B3GALT1: variants seen among roughly 807,000 people sequenced by gnomAD.
B3GALT1 encodes the protein UDP-Gal:betaGlcNAc beta 1,3-galactosyltransferase, polypeptide 1.
A neutral mutation model predicts 23.2 loss-of-function variants in B3GALT1; 10 were observed. That is an observed-to-expected ratio of 0.43 (90% CI 0.27 to 0.73). The LOEUF (loss-of-function observed/expected upper bound fraction) is 0.73. Ranked by LOEUF, B3GALT1 falls within the 30% of genes least tolerant of loss-of-function variation. B3GALT1 has a pLI of 0.21. For missense variants in B3GALT1, 299 were observed against 405.4 expected (o/e 0.74, Z 2.25); for synonymous variants, 156 against 141.5 (o/e 1.10, Z -0.73).
chr2:167,552,920 C>T (rs919919461), intron 2 of B3GALT1, among the ~76,000 whole-genome samples: 1 of 152,142 alleles, frequency 6.6e-6, no homozygotes, highest in African/African-American at 2.4e-5. Flanking sequence ...TTAAATTTCT[C>T]CATTGGTCAC....
chr2:167,454,677 C>G (rs532648909), intron 1 of B3GALT1, among the ~76,000 whole-genome samples: 1 of 152,188 alleles, frequency 6.6e-6, no homozygotes, highest in South Asian at 2.1e-4. Flanking sequence ...AATAATAAAG[C>G]CTTTAAATAG....
At chr2:167,357,602 C>A (rs911161301) in intron 1 of B3GALT1, among the ~76,000 whole-genome samples, 1 of 152,132 alleles carries the variant, frequency 6.6e-6, no homozygotes, top group Admixed American at 6.5e-5. Context: ...AAAAGCCAAT[C>A]TATTCTGTCA....
At chr2:167,664,158 C>A (rs944734793) in intron 3 of B3GALT1, among the ~76,000 whole-genome samples, 4 of 149,788 alleles carry the variant, frequency 2.7e-5, no homozygotes, top group African/African-American at 9.9e-5. Context: ...AGGAAGGGAT[C>A]CAGTTTCAGC....
chr2:167,712,827 A>G (rs530353540), intron 3 of B3GALT1, among the ~76,000 whole-genome samples: 2 of 152,246 alleles, frequency 1.3e-5, no homozygotes, highest in East Asian at 3.9e-4. Context: ...GTTGCTTCCT[A>G]TTGGAAGTGA....
At chr2:167,490,063 GAT>G (rs1699684648) in intron 1 of B3GALT1, 112 bp from the exon 2 acceptor site, 2 of 152,196 alleles carry the variant, frequency 1.3e-5, no homozygotes, top group African/African-American at 4.8e-5. Context: ...TTTGATGTAA[GAT>G]ATGTGGAAAT....
chr2:167,601,173 C>T (rs1684871402), intron 2 of B3GALT1, among the ~76,000 whole-genome samples: 1 of 151,956 alleles, frequency 6.6e-6, no homozygotes, highest in Non-Finnish European at 1.5e-5. Flanking sequence ...GATTCTCCTG[C>T]CTCAGCCTCT....
intron 3 of B3GALT1, among the ~76,000 whole-genome samples, chr2:167,686,872 A>C (rs1403119239): frequency 6.6e-6 from 1 of 152,206 alleles, no homozygotes; most frequent in Admixed American, 6.5e-5. Context: ...CCTGAGCAGC[A>C]CGTCAGGCCC....
intron 1 of B3GALT1, among the ~76,000 whole-genome samples, chr2:167,340,816 A>G (rs1320135428): frequency 6.6e-6 from 1 of 152,226 alleles, no homozygotes; most frequent in Non-Finnish European, 1.5e-5. Flanking sequence ...GCAGATATGG[A>G]GAAAGAAAAG....
intron 2 of B3GALT1, among the ~76,000 whole-genome samples, chr2:167,584,278 C>T (rs902042408): frequency 2.0e-5 from 3 of 152,102 alleles, no homozygotes; most frequent in Admixed American, 1.3e-4. Context: ...GCCAAGATTT[C>T]CAGGTAAAAG....
At chr2:167,597,027 C>A (rs983732632) in intron 2 of B3GALT1, among the ~76,000 whole-genome samples, 1 of 151,820 alleles carries the variant, frequency 6.6e-6, no homozygotes, top group South Asian at 2.1e-4. Context: ...AGTGGCAGAG[C>A]AAAAGCCTAG....
chr2:167,698,722 A>G (rs959089879), intron 3 of B3GALT1, among the ~76,000 whole-genome samples: 1 of 152,228 alleles, frequency 6.6e-6, no homozygotes, highest in Non-Finnish European at 1.5e-5. Context: ...TCTTGTTGAA[A>G]TAGAAATGTT....
Position 167,309,674 on chromosome 2 carries a change from A to G in B3GALT1, c.-511+16340A>G, listed in dbSNP as rs538564568. On this transcript the variant is annotated intron_variant, in intron 1 of 4. Coordinates refer to ENST00000392690, the MANE Select transcript of B3GALT1 (RefSeq NM_020981.4). ...ACTCTAAGAACCCAATTCATTAACA[A>G]TGAAGGGTAAAATAATCTGCAAAAA... Among the ~76,000 whole-genome samples the G allele has an allele frequency of 2.6e-4, 39 of 152,210 alleles. 1 individual carries two copies. The South Asian group carries it at 7.9e-3, about 31-fold the overall frequency.
At chr2:167,372,210 T>C (rs766865604) in intron 1 of B3GALT1, among the ~76,000 whole-genome samples, 3 of 152,042 alleles carry the variant, frequency 2.0e-5, no homozygotes, top group Non-Finnish European at 4.4e-5. Context: ...GCTACAGTTT[T>C]CTGTATTTAC....
chr2:167,825,262 C>A lies in B3GALT1; in HGVS notation c.-230+6469C>A, dbSNP rs200603270. 2.9e-4 allele frequency among the ~76,000 whole-genome samples: 37 copies of A among 127,642 alleles called. No individual in the cohort carries two copies. The East Asian group carries it at 8.3e-3, about 29-fold the overall frequency. The allele number at this position is 127,642 out of a possible 152,430, so 83.7% of individuals were successfully genotyped here. ...TCGCGCCACTGTACTCTAGCCTGGG[C>A]GACAGAGCAAGACTCCGTCTCAAAA... On this transcript the variant is annotated intron_variant, in intron 4 of 4. Coordinates refer to ENST00000392690, the MANE Select transcript of B3GALT1 (RefSeq NM_020981.4).
Position 167,553,272 on chromosome 2 carries a change from AAAT to A in B3GALT1, c.-410+63001_-410+63003del, listed in dbSNP as rs1344339947. Among the ~76,000 whole-genome samples, 3 of 152,328 alleles carry A rather than the reference AAAT, an allele frequency of 2.0e-5. No individual in the cohort carries two copies. The East Asian group carries it at 5.8e-4, about 29-fold the overall frequency. The stretch of plus-strand genomic sequence containing the variant: ...CATCGTGGTAGGCTTAAACATGAAT[AAAT>A]AATAACAATGTTTATCTGACATAGC... On this transcript the variant is annotated intron_variant, in intron 2 of 4. Coordinates refer to ENST00000392690, the MANE Select transcript of B3GALT1 (RefSeq NM_020981.4).
At chr2:167,558,962 T>C (rs562645692) in intron 2 of B3GALT1, among the ~76,000 whole-genome samples, 5,513 of 152,280 alleles carry the variant, frequency 0.036, 166 homozygotes, top group African/African-American at 0.088. Context: ...GCAGTGGTTC[T>C]CCCAGCACGC....
At position 167,535,739 on chromosome 2, in the gene B3GALT1, A is replaced by C. The variant is rs1204563888; in HGVS notation, c.-410+45462A>C. On this transcript the variant is annotated intron_variant, in intron 2 of 4. Transcript: ENST00000392690. ...GAAAAGTTTTCTTCTGTATTAAAAA[A>C]AAATGTGGTTTTTATCATTTCTATT... Among the ~76,000 whole-genome samples the C allele has an allele frequency of 2.0e-5, 3 of 152,340 alleles. No individual in the cohort carries two copies. In the East Asian group the frequency reaches 5.8e-4, roughly 29 times the overall value.
At chr2:167,687,518 A>C (rs1263164773) in intron 3 of B3GALT1, among the ~76,000 whole-genome samples, 1 of 152,200 alleles carries the variant, frequency 6.6e-6, no homozygotes, top group African/African-American at 2.4e-5. Flanking sequence ...AAGAGAAGAG[A>C]GGGGCAAGGA....
At position 167,325,917 on chromosome 2, in the gene B3GALT1, C is replaced by T. The variant is rs867967360; in HGVS notation, c.-511+32583C>T. Among the ~76,000 whole-genome samples, 12 of 151,882 alleles carry T rather than the reference C, an allele frequency of 7.9e-5. No individual in the cohort carries two copies. The South Asian group carries it at 2.5e-3, about 32-fold the overall frequency. Reference sequence around the variant, plus strand: ...ATTTTTAGTAGAGATGGGCTTTCACCATGTTGGCTAGGCTGGTCTTGAGCT... The same window carrying T: ...ATTTTTAGTAGAGATGGGCTTTCACTATGTTGGCTAGGCTGGTCTTGAGCT... On this transcript the variant is annotated intron_variant, in intron 1 of 4. Coordinates refer to ENST00000392690, the MANE Select transcript of B3GALT1 (RefSeq NM_020981.4).
Sources: allele counts gnomAD v4.1 joint callset (sites outside exome capture counted in the v4.1 genomes callset), GRCh38; gene constraint gnomAD v4.1.1; transcripts MANE v1.5; gene names NCBI Gene and HGNC (gene_info 2026-07-23, HGNC 2026-07-21).